Variants in SLC12A1 observed in about 807,000 individuals in gnomAD.
SLC12A1 encodes Na-K-2Cl cotransporter.
SLC12A1 carries 89 observed loss-of-function variants against 130.4 expected under a neutral mutation model. The observed-to-expected ratio is 0.68, with a 90% CI of 0.58 to 0.81. SLC12A1 has a LOEUF of 0.81. SLC12A1 is among the 40% of genes least tolerant of loss of function. SLC12A1 has a pLI of 0.00. For synonymous variants in SLC12A1, 499 were observed against 460.0 expected (o/e 1.08, Z -1.09); for missense variants, 1,310 against 1,336.4 (o/e 0.98, Z 0.31).
chr15:48,285,294 A>G (rs915837273), intron 21 of SLC12A1, 45 bp downstream of exon 21: 3 of 1,593,498 alleles, frequency 1.9e-6, no homozygotes, highest in Non-Finnish European at 2.6e-6. Context: ...AAGATGAGTC[A>G]CTATTTGAGC....
In SLC12A1 at chr15:48,299,169, C is replaced by T. The variant is rs137926275; in HGVS notation, c.2990C>T (p.Pro997Leu). 1.0e-4 allele frequency: 168 copies of T among 1,605,388 alleles called. No individual in the cohort carries two copies. The highest frequency in any genetic ancestry group is 1.4e-4 in the Non-Finnish European group (159 of 1,177,358). The change falls in exon 25 of 27, where the codon CCA (proline) becomes CTA (leucine). Residue 997 changes from proline (P) to leucine (L), a missense_variant. Coordinates refer to ENST00000380993, the MANE Select transcript of SLC12A1 (RefSeq NM_000338.3). ...AAAGTCTTTGAAGAGATGATTGAAC[C>T]ATATCGTCTCCATGAAAGCTGCAAA... Reference protein sequence around the residue: ...SWKVFEEMIEPYRLHESCKDL... With the variant: ...SWKVFEEMIELYRLHESCKDL...
chr15:48,261,047 A>G (rs760403935), intron 17 of SLC12A1, among the ~76,000 whole-genome samples: 2 of 152,104 alleles, frequency 1.3e-5, no homozygotes, highest in African/African-American at 2.4e-5. Context: ...ATTTTTTAAA[A>G]TCTTATCAAG....
intron 24 of SLC12A1, 150 bp downstream of exon 24, chr15:48,292,014 T>G: frequency 1.7e-6 from 1 of 602,914 alleles, no homozygotes; most frequent in Non-Finnish European, 2.9e-6. Context: ...AAGCATGACA[T>G]GGAACTAACA....
Position 48,255,872 on chromosome 15 carries a change from G to C in SLC12A1, c.2004G>C (p.Leu668=). ...ACGTGAGTGCTTTAGACAATGCTCT[G>C]GAATTAACCACAGTGGAAGACCACG... ...LSYVSALDNA[L]ELTTVEDHVK... Residue 668 remains leucine (L), a synonymous_variant, in exon 16 of 27, where the codon CTG becomes CTC. Coordinates refer to ENST00000380993, the MANE Select transcript of SLC12A1 (RefSeq NM_000338.3). 1.9e-6 allele frequency: 3 copies of C among 1,605,656 alleles called. No individual in the cohort carries two copies. The highest frequency in any genetic ancestry group is 2.6e-6 in the Non-Finnish European group (3 of 1,175,952).
rs1457803284 is a variant in SLC12A1 at position 48,227,403 on chromosome 15, C to T, written c.724+832C>T. ...AACATGTTTATAAAGTGGAGAGTGACTATGTGTCTAGTAAGAAGGTATGGA... is the reference window on the plus strand; with the variant it reads ...AACATGTTTATAAAGTGGAGAGTGATTATGTGTCTAGTAAGAAGGTATGGA... On this transcript the variant is annotated intron_variant, in intron 5 of 26. Transcript: ENST00000380993. 8 of 559,372 alleles carry T rather than the reference C, an allele frequency of 1.4e-5. No homozygotes were observed. In the African/African-American group the frequency reaches 1.5e-4, roughly 11 times the overall value. The allele number at this position is 559,372 out of a possible 1,614,324, so 34.7% of individuals were successfully genotyped here.
chr15:48,260,918 A>C (rs1324353939), intron 17 of SLC12A1, among the ~76,000 whole-genome samples: 2 of 152,230 alleles, frequency 1.3e-5, no homozygotes, highest in Non-Finnish European at 2.9e-5. Context: ...CTCAGTGCTT[A>C]TATGACAGTA....
rs1034210927 is a variant in SLC12A1 at position 48,244,634 on chromosome 15, C to T, written c.1301-119C>T. On this transcript the variant is annotated intron_variant, in intron 10 of 26. Coordinates refer to ENST00000380993, the MANE Select transcript of SLC12A1 (RefSeq NM_000338.3). ...GCCTCCAGTTATCAAGAACTACTCACAGTGAACAGAGGCTAAGAAATGGAC... is the reference window on the plus strand; with the variant it reads ...GCCTCCAGTTATCAAGAACTACTCATAGTGAACAGAGGCTAAGAAATGGAC... 6 of 956,102 alleles carry T rather than the reference C, an allele frequency of 6.3e-6. No homozygotes were observed. In the African/African-American group the frequency reaches 8.2e-5, roughly 13 times the overall value. The allele number at this position is 956,102 out of a possible 1,614,324, so 59.2% of individuals were successfully genotyped here.
At chr15:48,258,413 G>A (rs1209296622) in intron 16 of SLC12A1, among the ~76,000 whole-genome samples, 2 of 145,564 alleles carry the variant, frequency 1.4e-5, no homozygotes, top group Non-Finnish European at 3.0e-5. Flanking sequence ...AGTTCCCAAG[G>A]AGTTCTTCAT....
chr15:48,272,102 G>C (rs2041904339), intron 19 of SLC12A1, among the ~76,000 whole-genome samples: 1 of 152,148 alleles, frequency 6.6e-6, no homozygotes, highest in African/African-American at 2.4e-5. Flanking sequence ...AACCAAGGAG[G>C]CCTCTGGCTT....
chr15:48,250,674 C>CCACACACACACA (rs750040638), intron 14 of SLC12A1, among the ~76,000 whole-genome samples: 9 of 56,128 alleles, frequency 1.6e-4, no homozygotes, highest in African/African-American at 7.4e-4. Flanking sequence ...AAAATGTCTG[C>CCACACACACACA]CTCACACACA....
At position 48,303,562 on chromosome 15, in the gene SLC12A1, T is replaced by G. The variant is rs935618488; in HGVS notation, c.*677T>G. ...CATATGGCTTAAATTTGCTGCTGCC[T>G]GAAAAGTATATTAACTAGATTAGAA... On this transcript the variant is annotated 3_prime_UTR_variant, in exon 27 of 27. Coordinates refer to ENST00000380993, the MANE Select transcript of SLC12A1 (RefSeq NM_000338.3). The G allele has an allele frequency of 2.6e-5, 4 of 152,224 alleles. No homozygotes were observed. The highest frequency in any genetic ancestry group is 9.6e-5 in the African/African-American group (4 of 41,456). The allele number at this position is 152,224 out of a possible 1,614,324, so 9.4% of individuals were successfully genotyped here.
At chr15:48,236,128 C>T (rs2041437430) in intron 9 of SLC12A1, among the ~76,000 whole-genome samples, 1 of 150,268 alleles carries the variant, frequency 6.7e-6, no homozygotes, top group Non-Finnish European at 1.5e-5. Flanking sequence ...CACACACACA[C>T]ACACACGCAA....
In SLC12A1 at chr15:48,208,055, A is replaced by G; in HGVS notation, c.336A>G (p.Ile112Met). The part of the protein sequence containing the change: ...GHNTMDAVPK[I>M]EYYRNTGSIS... Reference sequence around the variant, plus strand: ...ACACCATGGATGCCGTTCCCAAGATAGAGTACTATCGTAACACCGGCAGCA... The same window carrying G: ...ACACCATGGATGCCGTTCCCAAGATGGAGTACTATCGTAACACCGGCAGCA... Residue 112 changes from isoleucine to methionine, a missense_variant, in exon 2 of 27, where the codon ATA becomes ATG. Ile to Met is a conservative substitution (Grantham distance 10, BLOSUM62 1). Transcript: ENST00000380993. The G allele has an allele frequency of 1.2e-6, 2 of 1,613,982 alleles. No homozygotes were observed. The highest frequency in any genetic ancestry group is 1.7e-6 in the Non-Finnish European group (2 of 1,179,872).
intron 17 of SLC12A1, among the ~76,000 whole-genome samples, chr15:48,267,349 C>A (rs949053139): frequency 6.6e-6 from 1 of 152,126 alleles, no homozygotes; most frequent in Non-Finnish European, 1.5e-5. Context: ...GTTAATCAGT[C>A]TAGATGTTTT....
intron 3 of SLC12A1, 65 bp downstream of exon 3, chr15:48,220,830 A>G (rs1457322097): frequency 6.2e-7 from 1 of 1,611,990 alleles, no homozygotes; most frequent in African/African-American, 1.3e-5. Context: ...ATTAAGAGTG[A>G]ACAAGGCCTG....
intron 19 of SLC12A1, among the ~76,000 whole-genome samples, chr15:48,272,382 T>C (rs755643005): frequency 6.6e-6 from 1 of 152,178 alleles, no homozygotes; most frequent in Non-Finnish European, 1.5e-5. Flanking sequence ...ATAAAAGATT[T>C]TAAATGTCTG....
At chr15:48,240,738 A>G (rs1245378135) in intron 9 of SLC12A1, among the ~76,000 whole-genome samples, 1 of 152,160 alleles carries the variant, frequency 6.6e-6, no homozygotes, top group African/African-American at 2.4e-5. Flanking sequence ...ATAAGTGAAG[A>G]CATTAAAATT....
chr15:48,290,640 C>A (rs1313511134), intron 23 of SLC12A1, among the ~76,000 whole-genome samples: 3 of 152,046 alleles, frequency 2.0e-5, no homozygotes, highest in Admixed American at 2.0e-4. Context: ...TCTTATGGGA[C>A]CACCATCGTA....
chr15:48,207,759 G>C lies in SLC12A1; in HGVS notation c.40G>C (p.Val14Leu), dbSNP rs1487108450. The change falls in exon 2 of 27, where the codon GTG becomes CTG. Residue 14 changes from valine (V) to leucine (L), a missense_variant. Coordinates refer to ENST00000380993, the MANE Select transcript of SLC12A1 (RefSeq NM_000338.3). ...CTCTTCCAATGTATTTCTGGATTCAGTGCCCAGTAATACCAATCGCTTTCA... is the reference window on the plus strand; with the variant it reads ...CTCTTCCAATGTATTTCTGGATTCACTGCCCAGTAATACCAATCGCTTTCA... Reference protein sequence around the residue: ...NNSSNVFLDSVPSNTNRFQVS... With the variant: ...NNSSNVFLDSLPSNTNRFQVS... 6.2e-7 allele frequency: 1 copy of C among 1,603,060 alleles called. No homozygotes were observed.
Sources: allele counts gnomAD v4.1 joint callset (sites outside exome capture counted in the v4.1 genomes callset), GRCh38; gene constraint gnomAD v4.1.1; transcripts MANE v1.5; gene names NCBI Gene and HGNC (gene_info 2026-07-23, HGNC 2026-07-21).